Variants in ACTR10 observed in about 807,000 individuals in gnomAD.
The protein encoded by ACTR10 is actin-related protein 10.
In ACTR10, 43 loss-of-function variants were observed where a neutral mutation model predicts 56.2. The ratio of observed to expected loss-of-function variants is 0.77; its 90% CI spans 0.60 to 0.99. The LOEUF is 0.99. ACTR10 is among the 50% of genes least tolerant of loss of function. ACTR10 has a pLI of 0.00. For missense variants in ACTR10, 466 were observed against 507.8 expected, an observed-to-expected ratio of 0.92 and a Z score of 0.79; for synonymous variants, 170 against 176.3, an observed-to-expected ratio of 0.96 and a Z score of 0.28.
intron 7 of ACTR10, among the ~76,000 whole-genome samples, chr14:58,217,683 AAAAG>A (rs2140053681): frequency 6.6e-6 from 1 of 152,184 alleles, no homozygotes; most frequent in African/African-American, 2.4e-5. Flanking sequence ...AAAAAAAAGA[AAAAG>A]AAATGCAAAC....
chr14:58,234,523 TGAA>T lies in ACTR10; in HGVS notation c.1229_1231del (p.Lys410del). 1 of 1,611,948 alleles carries T rather than the reference TGAA, an allele frequency of 6.2e-7. No individual in the cohort carries two copies. Among genetic ancestry groups the T allele is most frequent in the Non-Finnish European group, 8.5e-7 (1 of 1,179,276 alleles). On this transcript the variant is annotated inframe_deletion, in exon 13 of 13. Coordinates refer to ENST00000254286, the MANE Select transcript of ACTR10 (RefSeq NM_018477.3). ...GTCGGGAAAACTCAACCACCTCTGA[TGAA>T]GAGAGCATTTTCCACTGAGAAATAG...
At chr14:58,230,167 A>T (rs778719619) in intron 10 of ACTR10, among the ~76,000 whole-genome samples, 38 of 152,202 alleles carry the variant, frequency 2.5e-4, no homozygotes, top group Admixed American at 7.9e-4. Flanking sequence ...AATGCCTCCT[A>T]TGTGCCAGAC....
At position 58,200,416 on chromosome 14, in the gene ACTR10, A is replaced by T. The variant is rs757353955; in HGVS notation, c.77+122A>T. The T allele has an allele frequency of 2.3e-4, 156 of 686,082 alleles. 1 individual carries two copies. The highest frequency in any genetic ancestry group is 1.8e-3 in the Middle Eastern group (5 of 2,816). The allele number at this position is 686,082 out of a possible 1,614,324, so 42.5% of individuals were successfully genotyped here. ...AGCTCCGGGCCTCCCCTTTTCTTCA[A>T]CCAGCGCCCTTGCAAATAACAGCTC... On this transcript the variant is annotated intron_variant, in intron 1 of 12. Transcript: ENST00000254286.
At chr14:58,211,622 C>G (rs899919699) in intron 5 of ACTR10, among the ~76,000 whole-genome samples, 4 of 152,054 alleles carry the variant, frequency 2.6e-5, no homozygotes, top group Non-Finnish European at 5.9e-5. Context: ...GAGTATACCT[C>G]ATGAATATTA....
At chr14:58,208,486 C>T (rs1356636387) in intron 3 of ACTR10, among the ~76,000 whole-genome samples, 1 of 151,972 alleles carries the variant, frequency 6.6e-6, no homozygotes, top group Non-Finnish European at 1.5e-5. Context: ...ATATAAGGTT[C>T]TTGTACTTTG....
At chr14:58,205,926 G>T (rs1191612342) in intron 2 of ACTR10, among the ~76,000 whole-genome samples, 1 of 151,980 alleles carries the variant, frequency 6.6e-6, no homozygotes, top group Admixed American at 6.6e-5. Context: ...GGAGGCTGAG[G>T]CAGGAGAATC....
At chr14:58,224,022 A>G (rs1889343174) in intron 10 of ACTR10, among the ~76,000 whole-genome samples, 166 bp downstream of exon 10, 2 of 150,586 alleles carry the variant, frequency 1.3e-5, no homozygotes, top group East Asian at 1.9e-4. Context: ...TTTTTTTGAG[A>G]CAAGGTCTTG....
At position 58,209,466 on chromosome 14, in the gene ACTR10, G is replaced by T. The variant is rs1350390332; in HGVS notation, c.342+359G>T. ...ACTTTTTTTTATTCAGAATTAAAAGGTATATTCTGTGCTGTGGACTTTGCA... is the reference window on the plus strand; with the variant it reads ...ACTTTTTTTTATTCAGAATTAAAAGTTATATTCTGTGCTGTGGACTTTGCA... On this transcript the variant is annotated intron_variant, in intron 4 of 12. Transcript: ENST00000254286. Among the ~76,000 whole-genome samples, 3 of 152,084 alleles carry T rather than the reference G, an allele frequency of 2.0e-5. No homozygotes were observed. The East Asian group carries it at 5.8e-4, about 29-fold the overall frequency.
At chr14:58,200,818 G>T (rs1028935646) in intron 1 of ACTR10, among the ~76,000 whole-genome samples, 1 of 152,226 alleles carries the variant, frequency 6.6e-6, no homozygotes, top group Non-Finnish European at 1.5e-5. Context: ...GAAATCCTTT[G>T]TTGGCTCCCC....
chr14:58,205,235 AC>A (rs1888826801), intron 2 of ACTR10, among the ~76,000 whole-genome samples: 1 of 151,882 alleles, frequency 6.6e-6, no homozygotes. Context: ...AAAAACAAAA[AC>A]AAAAACAAAA....
intron 2 of ACTR10, among the ~76,000 whole-genome samples, chr14:58,206,539 A>G (rs1173844800): frequency 6.6e-6 from 1 of 152,182 alleles, no homozygotes; most frequent in Admixed American, 6.5e-5. Flanking sequence ...ATATTTGATT[A>G]TATATGGTTT....
Position 58,232,114 on chromosome 14 carries a change from G to A in ACTR10, c.919G>A (p.Gly307Ser). ...ACTAGCAGAGAATTTGGTAGTCATA[G>A]GTGGCACTTCTATGTTGCCAGGATT... Reference protein sequence around the residue: ...KQLAENLVVIGGTSMLPGFLH... With the variant: ...KQLAENLVVISGTSMLPGFLH... The change falls in exon 12 of 13, where the codon GGT becomes AGT. Residue 307 changes from glycine to serine, a missense_variant. By Grantham distance (56) the Gly-to-Ser change is moderately conservative. Transcript: ENST00000254286. 1 of 1,613,906 alleles carries A rather than the reference G, an allele frequency of 6.2e-7. No individual in the cohort carries two copies. Among genetic ancestry groups the A allele is most frequent in the South Asian group, 1.1e-5 (1 of 91,076 alleles).
chr14:58,232,873 T>C (rs1263333958), intron 12 of ACTR10, among the ~76,000 whole-genome samples: 8 of 11,404 alleles, frequency 7.0e-4, no homozygotes, highest in Non-Finnish European at 1.6e-3. Context: ...TCTTTCTTTC[T>C]TTTTTTTTTT....
intron 8 of ACTR10, among the ~76,000 whole-genome samples, chr14:58,221,871 T>C (rs1889280484): frequency 1.3e-5 from 2 of 152,098 alleles, no homozygotes; most frequent in African/African-American, 4.8e-5. Context: ...TGGGCTAAGA[T>C]TGCGCCACTG....
At position 58,221,171 on chromosome 14, in the gene ACTR10, T is replaced by C. The variant is rs1889256233; in HGVS notation, c.634+1442T>C. On this transcript the variant is annotated intron_variant, in intron 8 of 12. Transcript: ENST00000254286. ...GGTGGCACTCGCCTGTAGTCCCAGC[T>C]ACTCAGGAGGCTGAGGCAGGAGAAT... is the stretch of plus-strand genomic sequence containing the variant. 2.0e-5 allele frequency among the ~76,000 whole-genome samples: 3 copies of C among 151,046 alleles called. No individual in the cohort carries two copies. The South Asian group carries it at 6.2e-4, about 31-fold the overall frequency.
chr14:58,219,666 A>G (rs764562603), intron 7 of ACTR10, 28 bp from the exon 8 acceptor site: 9 of 1,397,100 alleles, frequency 6.4e-6, no homozygotes, highest in Non-Finnish European at 8.6e-6. Flanking sequence ...TTAAAGTTTT[A>G]TAATTCTAAA....
At chr14:58,214,708 C>G (rs1321497071) in intron 6 of ACTR10, among the ~76,000 whole-genome samples, 1 of 147,650 alleles carries the variant, frequency 6.8e-6, no homozygotes, top group East Asian at 2.2e-4. Context: ...CCAGGCTGTT[C>G]TCAAACTCCT....
Position 58,202,915 on chromosome 14 carries a change from T to G in ACTR10, c.138T>G (p.Ala46=). The G allele has an allele frequency of 6.3e-7, 1 of 1,596,614 alleles. No homozygotes were observed. The highest frequency in any genetic ancestry group is 8.5e-7 in the Non-Finnish European group (1 of 1,170,380). ...TAATTCCTAGTGTGATAAAAAGAGCTGGGATGCCTAAGGTATTTAAAAAAA... is the reference window on the plus strand; with the variant it reads ...TAATTCCTAGTGTGATAAAAAGAGCGGGGATGCCTAAGGTATTTAAAAAAA... The part of the protein sequence containing the change: ...RCIIPSVIKR[A]GMPKPVRVVQ... The change falls in exon 2 of 13, where the codon GCT becomes GCG. Residue 46 remains alanine, a synonymous_variant. Transcript: ENST00000254286.
chr14:58,234,632 T>C lies in ACTR10; in HGVS notation c.*81T>C. The C allele has an allele frequency of 7.3e-7, 1 of 1,365,930 alleles. No homozygotes were observed. Among genetic ancestry groups the C allele is most frequent in the Non-Finnish European group, 1.0e-6 (1 of 997,124 alleles). The allele number at this position is 1,365,930 out of a possible 1,614,324, so 84.6% of individuals were successfully genotyped here. ...AAATTGTACAAAGTATGTAGGATGT[T>C]TTGTTATAGAGGACTATAGTGGAAG... On this transcript the variant is annotated 3_prime_UTR_variant, in exon 13 of 13. Transcript: ENST00000254286.
Sources: gnomAD v4.1 joint callset for allele counts (sites outside exome capture counted in the v4.1 genomes callset) on GRCh38, gnomAD v4.1.1 for gene constraint, MANE v1.5 for transcripts, NCBI Gene and HGNC (gene_info 2026-07-23, HGNC 2026-07-21) for gene names.